The following SEMA3A variants were observed in gnomAD, a reference collection of about 807,000 sequenced individuals.
The protein encoded by SEMA3A is semaphorin 3A.
In SEMA3A, 29 loss-of-function variants were observed where a neutral mutation model predicts 97.9. That is an observed-to-expected ratio of 0.30 (90% confidence interval 0.22 to 0.40). The LOEUF (loss-of-function observed/expected upper bound fraction) is 0.40, where lower values mean the gene tolerates loss of function less well. Ranked by LOEUF, SEMA3A falls within the 10% of genes least tolerant of loss-of-function variation. SEMA3A has a pLI of 1.00. For missense variants in SEMA3A, 763 were observed against 951.3 expected (o/e 0.80, Z 2.60); for synonymous variants, 321 against 323.7 (o/e 0.99, Z 0.09).
intron 3 of SEMA3A, among the ~76,000 whole-genome samples, chr7:84,269,284 TTAAA>T (rs1372692145): frequency 5.3e-5 from 8 of 152,236 alleles, no homozygotes; most frequent in Admixed American, 3.9e-4. Context: ...TAAATAAACT[TTAAA>T]TATATTTTAA....
rs532993187 is a variant in SEMA3A at position 84,449,959 on chromosome 7, C to T, written c.-246+42501G>A. The stretch of plus-strand genomic sequence containing the variant: ...TAATATTTCATTGCATCTATTACAA[C>T]ATTTCCTTTATCCATTCATCCATCC... On this transcript the variant is annotated intron_variant, in intron 1 of 3. Transcript: ENST00000424555. Among the ~76,000 whole-genome samples the T allele has an allele frequency of 2.0e-5, 3 of 152,284 alleles. No individual in the cohort carries two copies. The South Asian group carries it at 6.2e-4, about 32-fold the overall frequency.
Position 84,014,232 on chromosome 7 carries a change from C to A in SEMA3A, c.787G>T (p.Ala263Ser). The A allele has an allele frequency of 6.2e-7, 1 of 1,613,292 alleles. No homozygotes were observed. The highest frequency in any genetic ancestry group is 8.5e-7 in the Non-Finnish European group (1 of 1,179,684). The change falls in exon 7 of 17, where the codon GCT becomes TCT. Residue 263 changes from alanine (A) to serine (S), a missense_variant. By Grantham distance (99) the Ala-to-Ser change is moderately conservative (BLOSUM62 1). This residue lies in a region of SEMA3A where 678 missense variants were observed against 881.3 expected (regional missense o/e 0.77). Coordinates refer to ENST00000265362, the MANE Select transcript of SEMA3A (RefSeq NM_006080.3). ...ACCTTGCATATCTGACCTATTCTAG[C>A]GTGAGTAGCTTTTCCAGAGTGTTCT... Reference protein sequence around the residue: ...DGEHSGKATHARIGQICKNDF... With the variant: ...DGEHSGKATHSRIGQICKNDF...
At chr7:84,284,652 A>AATTCC (rs1297764867) in intron 3 of SEMA3A, among the ~76,000 whole-genome samples, 1 of 152,168 alleles carries the variant, frequency 6.6e-6, no homozygotes, top group African/African-American at 2.4e-5. Flanking sequence ...TAGCATACTG[A>AATTCC]ATTCCAGTTA....
intron 15 of SEMA3A, among the ~76,000 whole-genome samples, chr7:83,971,247 A>G (rs1788899260): frequency 6.6e-6 from 1 of 152,110 alleles, no homozygotes; most frequent in African/African-American, 2.4e-5. Context: ...CAACGTGATG[A>G]AACTCCATCT....
chr7:84,460,717 GC>G (rs1805813897), intron 1 of SEMA3A, among the ~76,000 whole-genome samples: 1 of 152,100 alleles, frequency 6.6e-6, no homozygotes, highest in Non-Finnish European at 1.5e-5. Context: ...TTTATTATAT[GC>G]TTTGCTTTGC....
intron 1 of SEMA3A, among the ~76,000 whole-genome samples, chr7:84,464,915 G>A (rs1178786581): frequency 6.6e-6 from 1 of 152,104 alleles, no homozygotes. Flanking sequence ...TTTAAAGTAG[G>A]AAGAATTGCT....
intron 3 of SEMA3A, among the ~76,000 whole-genome samples, chr7:84,224,917 A>C (rs1379076065): frequency 6.6e-6 from 1 of 152,006 alleles, no homozygotes; most frequent in East Asian, 1.9e-4. Flanking sequence ...TATTAGGTCC[A>C]ACTCCTGCTA....
intron 4 of SEMA3A, among the ~76,000 whole-genome samples, chr7:84,075,834 A>C (rs879606288): frequency 6.6e-6 from 1 of 152,152 alleles, no homozygotes; most frequent in Non-Finnish European, 1.5e-5. Flanking sequence ...ATTGGTCTCC[A>C]GGCATTATAT....
intron 6 of SEMA3A, among the ~76,000 whole-genome samples, chr7:84,024,948 A>C (rs950332789): frequency 6.6e-6 from 1 of 151,904 alleles, no homozygotes; most frequent in Non-Finnish European, 1.5e-5. Context: ...GTAGCCGGGC[A>C]TGGTGGTGGG....
chr7:83,960,675 C>CT lies in SEMA3A; in HGVS notation c.*695dup, dbSNP rs1788429292. On this transcript the variant is annotated 3_prime_UTR_variant, in exon 17 of 17. Coordinates refer to ENST00000265362, the MANE Select transcript of SEMA3A (RefSeq NM_006080.3). ...AATTGTAAGACAAATCCTACTCTAG[C>CT]TTAGAAAACAACTAATTTTTACTGC... 1 of 152,534 alleles carries CT rather than the reference C, an allele frequency of 6.6e-6. No individual in the cohort carries two copies. Among genetic ancestry groups the CT allele is most frequent in the African/African-American group, 2.4e-5 (1 of 41,424 alleles). The allele number at this position is 152,534 out of a possible 1,614,324, so 9.4% of individuals were successfully genotyped here.
At chr7:84,177,338 G>T (rs1797599353) in intron 1 of SEMA3A, among the ~76,000 whole-genome samples, 1 of 152,082 alleles carries the variant, frequency 6.6e-6, no homozygotes, top group African/African-American at 2.4e-5. Flanking sequence ...AGTAGGCCAT[G>T]CATTCATTCT....
intron 4 of SEMA3A, among the ~76,000 whole-genome samples, chr7:84,061,373 T>A (rs942644876): frequency 3.3e-5 from 5 of 152,168 alleles, no homozygotes; most frequent in Admixed American, 6.5e-5. Context: ...GATAACTAAT[T>A]CACGCTTGAG....
chr7:84,478,630 A>C (rs1300985535), intron 1 of SEMA3A, among the ~76,000 whole-genome samples: 1 of 152,066 alleles, frequency 6.6e-6, no homozygotes, highest in African/African-American at 2.4e-5. Flanking sequence ...GGATTATTTT[A>C]AAAGGTAATA....
chr7:84,041,696 T>C (rs774348535), intron 6 of SEMA3A, among the ~76,000 whole-genome samples: 12 of 152,114 alleles, frequency 7.9e-5, no homozygotes, highest in Non-Finnish European at 1.5e-4. Flanking sequence ...TCATTGACTA[T>C]AAAAACTAAG....
intron 4 of SEMA3A, 71 bp downstream of exon 4, chr7:84,110,399 A>G: frequency 1.9e-6 from 3 of 1,555,048 alleles, no homozygotes; most frequent in Non-Finnish European, 2.6e-6. Context: ...TAAACTGAAG[A>G]AATTAGTAAT....
At chr7:84,034,609 A>G (rs1329666627) in intron 6 of SEMA3A, among the ~76,000 whole-genome samples, 2 of 152,110 alleles carry the variant, frequency 1.3e-5, no homozygotes, top group African/African-American at 4.8e-5. Flanking sequence ...AAGACTGCCA[A>G]TTTTTCAAAT....
At chr7:84,076,723 T>G (rs1197811778) in intron 4 of SEMA3A, among the ~76,000 whole-genome samples, 3 of 152,114 alleles carry the variant, frequency 2.0e-5, no homozygotes, top group Non-Finnish European at 2.9e-5. Context: ...ATATATAAAG[T>G]CACTTTGTTT....
At chr7:84,143,593 A>G (rs1370770430) in intron 1 of SEMA3A, among the ~76,000 whole-genome samples, 1 of 143,958 alleles carries the variant, frequency 6.9e-6, no homozygotes, top group Admixed American at 7.0e-5. Flanking sequence ...CAGTGGCTCA[A>G]GCCTGTAATC....
intron 3 of SEMA3A, among the ~76,000 whole-genome samples, chr7:84,200,555 A>G (rs1434099621): frequency 1.3e-5 from 2 of 152,108 alleles, no homozygotes; most frequent in Non-Finnish European, 2.9e-5. Flanking sequence ...TAGCTAAAAT[A>G]CGGTTATAGA....
Sources: allele counts gnomAD v4.1 joint callset (sites outside exome capture counted in the v4.1 genomes callset), GRCh38; gene constraint gnomAD v4.1.1; regional missense constraint gnomAD v4.1.1; transcripts MANE v1.5; gene names NCBI Gene and HGNC (gene_info 2026-07-23, HGNC 2026-07-21).